The following SGSH variants were observed in gnomAD, a reference collection of about 807,000 sequenced individuals.
SGSH encodes the protein heparan sulfate sulfatase.
In SGSH, 48 loss-of-function variants were observed where a neutral mutation model predicts 51.0. The observed-to-expected ratio is 0.94, with a 90% CI of 0.75 to 1.20. The LOEUF (loss-of-function observed/expected upper bound fraction) is 1.20. Among genes scored for constraint, SGSH ranks in the 50% most tolerant of loss-of-function variants. The probability of loss-of-function intolerance (pLI) is 0.00; values close to 1 mark genes in which losing one functional copy is unlikely to be tolerated. For synonymous variants in SGSH, 321 were observed against 313.4 expected, an observed-to-expected ratio of 1.02 and a Z score of -0.26; for missense variants, 662 against 717.8, an observed-to-expected ratio of 0.92 and a Z score of 0.89.
At chr17:80,208,108 G>GC, downstream of SGSH, 2 of 1,465,564 alleles carry the variant, frequency 1.4e-6, no homozygotes, top group Non-Finnish European at 1.8e-6. Context: ...TCTCCCCTGA[G>GC]CCCGCCCCCC....
In SGSH at chr17:80,212,691, C is replaced by A; in HGVS notation, c.746-417G>T. On this transcript the variant is annotated intron_variant, in intron 6 of 7. Transcript: ENST00000326317. The surrounding 1 kb of genome is among the most constrained non-coding windows in gnomAD (Gnocchi z 5.9). ...GGACAAGGCTTCCTCTATACCCGCT[C>A]CTTCCCAGCTCACTAAGAATTAATG... is the stretch of plus-strand genomic sequence containing the variant. The A allele has an allele frequency of 3.2e-6, 1 of 310,630 alleles. No individual in the cohort carries two copies. Among genetic ancestry groups the A allele is most frequent in the Non-Finnish European group, 6.3e-6 (1 of 159,028 alleles). 19.2% of individuals were successfully genotyped at this position (310,630 alleles called of 1,614,324 possible). A position where few individuals can be genotyped will look rare whatever the true frequency, so the allele number is the denominator to read the frequency against.
chr17:80,211,208 GC>G (rs1458004735), intron 7 of SGSH, 197 bp from the exon 8 acceptor site: 7 of 1,431,250 alleles, frequency 4.9e-6, no homozygotes, highest in Middle Eastern at 2.5e-4. Flanking sequence ...ATAACAAGAG[GC>G]CCTGATTCGG....
chr17:80,210,906 A>C lies in SGSH; in HGVS notation c.1055T>G (p.Leu352Arg). ...HLTGRSLLPA[L>R]EAEPLWATVF... Reference sequence around the variant, plus strand: ...GGTGGCCCAGAGGGGCTCGGCCTCCAGCGCCGGCAGGAGGGACCGGCCAGT... The same window carrying C: ...GGTGGCCCAGAGGGGCTCGGCCTCCCGCGCCGGCAGGAGGGACCGGCCAGT... The change falls in exon 8 of 8, where the codon CTG becomes CGG. Residue 352 changes from leucine to arginine, a missense_variant. Leu to Arg is a moderately radical substitution (Grantham distance 102). Coordinates refer to ENST00000326317, the MANE Select transcript of SGSH (RefSeq NM_000199.5). The C allele has an allele frequency of 6.2e-7, 1 of 1,611,072 alleles. No homozygotes were observed. Among genetic ancestry groups the C allele is most frequent in the Non-Finnish European group, 8.5e-7 (1 of 1,179,958 alleles).
chr17:80,215,992 GCATATGGTTAAC>G (rs568923013), intron 2 of SGSH, among the ~76,000 whole-genome samples: 1 of 152,040 alleles, frequency 6.6e-6, no homozygotes, highest in African/African-American at 2.4e-5. Context: ...TCGTGCTACA[GCATATGGTTAAC>G]CCTGAGGACA....
downstream of SGSH, chr17:80,204,572 C>T (rs2041173070): frequency 6.9e-6 from 3 of 432,724 alleles, no homozygotes; most frequent in South Asian, 3.6e-5. Flanking sequence ...GGCAGTGAGC[C>T]GAGATGGTGC....
chr17:80,202,126 C>A, downstream of SGSH: 1 of 1,496,624 alleles, frequency 6.7e-7, no homozygotes, highest in Admixed American at 1.8e-5. Context: ...TGCAACCTTC[C>A]TCGCAGAGGC....
At chr17:80,203,584 A>T, downstream of SGSH, 1 of 471,724 alleles carries the variant, frequency 2.1e-6, no homozygotes, top group African/African-American at 2.0e-5. This position sits in a 1 kb window ranked among gnomAD's most constrained non-coding sequence, Gnocchi z 4.6. Context: ...GCCCCAGGAC[A>T]AGTAAATCAG....
At chr17:80,209,235 T>A (rs74000617), downstream of SGSH, 39,202 of 854,332 alleles carry the variant, frequency 0.046, 1,007 homozygotes, top group African/African-American at 0.1. Context: ...TGTCCAAGAA[T>A]CAGGAAGCTG....
chr17:80,208,354 G>A (rs771183063), downstream of SGSH: 3 of 1,580,456 alleles, frequency 1.9e-6, no homozygotes, highest in East Asian at 4.6e-5. Context: ...GATGCACCGT[G>A]CCCCTTCCCG....
downstream of SGSH, chr17:80,202,267 G>A (rs139702878): frequency 1.9e-6 from 3 of 1,613,884 alleles, no homozygotes; most frequent in Non-Finnish European, 2.5e-6. Flanking sequence ...GCCATGGAGG[G>A]CAGGGCCAAA....
intron 7 of SGSH, chr17:80,211,267 C>T: frequency 9.0e-7 from 1 of 1,115,232 alleles, no homozygotes; most frequent in Non-Finnish European, 1.2e-6. Flanking sequence ...AAAGAAGTCT[C>T]CTTTTTGGTA....
Position 80,215,163 on chromosome 17 carries a change from CG to C in SGSH, c.250-26del, listed in dbSNP as rs2041842475. 2.5e-6 allele frequency: 4 copies of C among 1,578,750 alleles called. No homozygotes were observed. The African/African-American group carries it at 4.0e-5, about 16-fold the overall frequency. On this transcript the variant is annotated intron_variant, in intron 2 of 7. Coordinates refer to ENST00000326317, the MANE Select transcript of SGSH (RefSeq NM_000199.5). ...GCTGCCAGCAAAGGCGCATGAGGTC[CG>C]GGGCCCCCGGACAGCCAGAGCCCGC...
At chr17:80,217,233 G>A (rs1297548318) in intron 1 of SGSH, 41 bp from the exon 2 acceptor site, 1 of 1,576,294 alleles carries the variant, frequency 6.3e-7, no homozygotes, top group Non-Finnish European at 8.6e-7. Context: ...GTCGGCTGCG[G>A]TCACGAGAAA....
chr17:80,206,643 T>C, downstream of SGSH: 1 of 161,458 alleles, frequency 6.2e-6, no homozygotes, highest in African/African-American at 2.4e-5. Context: ...GGTGGGCGCC[T>C]GTAGTCCCAG....
At position 80,209,584 on chromosome 17, in the gene SGSH, C is replaced by T; in HGVS notation, c.*868G>A. 8.6e-6 allele frequency: 8 copies of T among 933,350 alleles called. No homozygotes were observed. The highest frequency in any genetic ancestry group is 1.0e-5 in the Non-Finnish European group (8 of 785,196). The allele number at this position is 933,350 out of a possible 1,614,324, so 57.8% of individuals were successfully genotyped here. Reference sequence around the variant, plus strand: ...CATCGCCACCCAGCAACGCCAGTGTCACCGAAGAATTAACCCAAGGCAGAG... The same window carrying T: ...CATCGCCACCCAGCAACGCCAGTGTTACCGAAGAATTAACCCAAGGCAGAG... On this transcript the variant is annotated 3_prime_UTR_variant, in exon 8 of 8. Coordinates refer to ENST00000326317, the MANE Select transcript of SGSH (RefSeq NM_000199.5).
At chr17:80,216,258 G>A (rs1460472312) in intron 2 of SGSH, among the ~76,000 whole-genome samples, 1 of 152,076 alleles carries the variant, frequency 6.6e-6, no homozygotes, top group East Asian at 1.9e-4. Flanking sequence ...GAACCGGGGA[G>A]GCAGAGGCTG....
Position 80,213,722 on chromosome 17 carries a change from G to T in SGSH, c.745+82C>A. On this transcript the variant is annotated intron_variant, in intron 6 of 7. Transcript: ENST00000326317. The surrounding 1 kb of genome is among the most constrained non-coding windows in gnomAD (Gnocchi z 4.6). ...ACACTGGGACCCTCACCCACATTAT[G>T]CCGTGACCTAAGAGGGCGCTGGCCC... 8.3e-7 allele frequency: 1 copy of T among 1,208,504 alleles called. No homozygotes were observed. The highest frequency in any genetic ancestry group is 1.2e-6 in the Non-Finnish European group (1 of 847,182). 74.9% of individuals were successfully genotyped at this position (1,208,504 alleles called of 1,614,324 possible).
downstream of SGSH, chr17:80,203,601 CA>C (rs1335585595): frequency 1.8e-5 from 9 of 495,104 alleles, no homozygotes; most frequent in Non-Finnish European, 3.2e-5. The surrounding 1 kb of genome is among the most constrained non-coding windows in gnomAD (Gnocchi z 4.6). Flanking sequence ...TCAGCATCTC[CA>C]GGGGTGGGCC....
Position 80,210,638 on chromosome 17 carries a change from C to T in SGSH, c.1323G>A (p.Arg441=), listed in dbSNP as rs202209795. 2 of 1,613,820 alleles carry T rather than the reference C, an allele frequency of 1.2e-6. No homozygotes were observed. The highest frequency in any genetic ancestry group is 1.3e-5 in the African/African-American group (1 of 74,928). ...TCTGGGTCTCGTGGGGGTCCCGGCT[C>T]CGGTCGTAGAGCTCCCAGCGCGCCC... ...YYRARWELYD[R]SRDPHETQNL... Residue 441 remains arginine (R), a synonymous_variant, in exon 8 of 8, where the codon CGG becomes CGA. Coordinates refer to ENST00000326317, the MANE Select transcript of SGSH (RefSeq NM_000199.5).
Sources: gnomAD v4.1 joint callset for allele counts (sites outside exome capture counted in the v4.1 genomes callset) on GRCh38, gnomAD v4.1.1 for gene constraint, Gnocchi (gnomAD v3.1) non-coding constraint, MANE v1.5 for transcripts, NCBI Gene and HGNC (gene_info 2026-07-23, HGNC 2026-07-21) for gene names.